Variants in GMDS observed in about 807,000 individuals in gnomAD.
GMDS encodes GDP-mannose 4,6 dehydratase.
Under a neutral mutation model 49.9 loss-of-function variants are expected in GMDS, and 20 were observed. That is an observed-to-expected ratio of 0.40 (90% CI 0.28 to 0.58). GMDS has a LOEUF of 0.58. Among genes scored for constraint, GMDS ranks in the 20% least tolerant of loss-of-function variants. The pLI is 0.42. For synonymous variants in GMDS, 177 were observed against 178.6 expected, an observed-to-expected ratio of 0.99 and a Z score of 0.07; for missense variants, 362 against 481.4, an observed-to-expected ratio of 0.75 and a Z score of 2.32.
At chr6:1,960,386 G>A (rs1763873681) in intron 5 of GMDS, among the ~76,000 whole-genome samples, 1 of 148,572 alleles carries the variant, frequency 6.7e-6, no homozygotes, top group Non-Finnish European at 1.5e-5. Flanking sequence ...TTTTTTTGAA[G>A]GTTTTGAGCT....
chr6:2,071,568 C>T (rs1486119058), intron 4 of GMDS, among the ~76,000 whole-genome samples: 1 of 151,536 alleles, frequency 6.6e-6, no homozygotes. Context: ...AAAGTAAAGA[C>T]ACTAAAAATG....
chr6:1,681,923 G>C (rs1299362161), intron 9 of GMDS, among the ~76,000 whole-genome samples: 1 of 152,040 alleles, frequency 6.6e-6, no homozygotes, highest in Admixed American at 6.6e-5. Flanking sequence ...CTCAATTCTT[G>C]GGCTCAAGTG....
intron 7 of GMDS, among the ~76,000 whole-genome samples, chr6:1,790,880 A>T (rs1769514311): frequency 1.3e-5 from 2 of 152,130 alleles, no homozygotes; most frequent in African/African-American, 4.8e-5. Context: ...CTAATCAGTG[A>T]CTATGTTACC....
chr6:2,230,625 T>G (rs1034016095), intron 1 of GMDS, among the ~76,000 whole-genome samples: 2 of 152,016 alleles, frequency 1.3e-5, no homozygotes, highest in African/African-American at 4.8e-5. Context: ...AAAAGACAAC[T>G]CAATGGAAAG....
At chr6:2,065,374 C>T (rs991026415) in intron 4 of GMDS, among the ~76,000 whole-genome samples, 5 of 152,190 alleles carry the variant, frequency 3.3e-5, no homozygotes, top group Non-Finnish European at 7.3e-5. Flanking sequence ...GCCTCTCCTC[C>T]TCCAAAGGAA....
intron 1 of GMDS, among the ~76,000 whole-genome samples, chr6:2,126,797 C>T (rs1465462909): frequency 2.0e-5 from 3 of 152,276 alleles, no homozygotes; most frequent in African/African-American, 7.2e-5. Context: ...CCACCCCTAG[C>T]TAATATTCAT....
At chr6:2,244,163 T>C (rs1251970307) in intron 1 of GMDS, among the ~76,000 whole-genome samples, 1 of 152,070 alleles carries the variant, frequency 6.6e-6, no homozygotes, top group Non-Finnish European at 1.5e-5. Context: ...AGCCGCTGCC[T>C]CCTGCCCACT....
chr6:2,005,599 G>C (rs1474568222), intron 4 of GMDS, among the ~76,000 whole-genome samples: 1 of 152,120 alleles, frequency 6.6e-6, no homozygotes, highest in East Asian at 1.9e-4. Context: ...ACTCTATCAG[G>C]ACCAATATCT....
intron 9 of GMDS, among the ~76,000 whole-genome samples, chr6:1,701,427 T>C (rs1049323163): frequency 9.9e-5 from 15 of 152,220 alleles, no homozygotes; most frequent in Non-Finnish European, 1.8e-4. Context: ...TGTTAAACAC[T>C]GCCTGCTTAC....
rs187803010 is a variant in GMDS at position 2,175,498 on chromosome 6, G to A, written c.103-50767C>T. Among the ~76,000 whole-genome samples the A allele has an allele frequency of 2.1e-3, 316 of 152,330 alleles. 2 individuals carry two copies. Among genetic ancestry groups the A allele is most frequent in the Non-Finnish European group, 3.6e-3 (246 of 68,036 alleles). ...CACTACTCTGCAGATATTCCTGAGG[G>A]AGTTGTGTCGACAGAAAAAAGAGAG... is the stretch of plus-strand genomic sequence containing the variant. On this transcript the variant is annotated intron_variant, in intron 1 of 10. Transcript: ENST00000380815.
At chr6:1,884,293 TAA>T (rs963856380) in intron 7 of GMDS, among the ~76,000 whole-genome samples, 2 of 152,208 alleles carry the variant, frequency 1.3e-5, no homozygotes, top group African/African-American at 2.4e-5. Flanking sequence ...AAATATGATA[TAA>T]GAGGGCAATT....
chr6:1,875,339 C>T (rs1217943555), intron 7 of GMDS, among the ~76,000 whole-genome samples: 1 of 150,930 alleles, frequency 6.6e-6, no homozygotes, highest in Non-Finnish European at 1.5e-5. Context: ...CACACACACA[C>T]ACACACACAC....
intron 4 of GMDS, among the ~76,000 whole-genome samples, chr6:2,092,370 T>C (rs1773368848): frequency 6.6e-6 from 1 of 152,022 alleles, no homozygotes; most frequent in African/African-American, 2.4e-5. Flanking sequence ...TTCCCTGACA[T>C]CACTCTTTCC....
At chr6:2,142,151 G>C (rs1776330297) in intron 1 of GMDS, among the ~76,000 whole-genome samples, 1 of 152,052 alleles carries the variant, frequency 6.6e-6, no homozygotes, top group Admixed American at 6.5e-5. Flanking sequence ...TTACGTTTTT[G>C]TCCCTAGGCC....
chr6:1,962,518 T>C (rs930480236), intron 4 of GMDS, among the ~76,000 whole-genome samples: 2 of 152,222 alleles, frequency 1.3e-5, no homozygotes, highest in African/African-American at 4.8e-5. Context: ...TCACCATCAA[T>C]GAACAAGAGT....
intron 4 of GMDS, among the ~76,000 whole-genome samples, chr6:2,112,175 G>A (rs892815269): frequency 1.3e-5 from 2 of 152,180 alleles, no homozygotes; most frequent in Admixed American, 1.3e-4. Context: ...CTCAGACTAT[G>A]TACAATTCAG....
At chr6:2,156,568 T>C (rs1328309965) in intron 1 of GMDS, among the ~76,000 whole-genome samples, 1 of 152,198 alleles carries the variant, frequency 6.6e-6, no homozygotes, top group African/African-American at 2.4e-5. Flanking sequence ...CTTTGATAAC[T>C]ATTAAAATAT....
At chr6:2,132,046 T>C (rs915614786) in intron 1 of GMDS, among the ~76,000 whole-genome samples, 1 of 152,194 alleles carries the variant, frequency 6.6e-6, no homozygotes, top group African/African-American at 2.4e-5. Flanking sequence ...TTTTTAACTC[T>C]TCATAATAAC....
At chr6:2,074,170 C>T (rs1413615337) in intron 4 of GMDS, among the ~76,000 whole-genome samples, 2 of 152,172 alleles carry the variant, frequency 1.3e-5, no homozygotes, top group Non-Finnish European at 2.9e-5. Context: ...TATATCCTTG[C>T]CAACATCTGC....
Sources: allele counts gnomAD v4.1 joint callset (sites outside exome capture counted in the v4.1 genomes callset), GRCh38; gene constraint gnomAD v4.1.1; transcripts MANE v1.5; gene names NCBI Gene and HGNC (gene_info 2026-07-23, HGNC 2026-07-21).